Variants in SOX5 observed in about 807,000 individuals in gnomAD.
The protein encoded by SOX5 is transcription factor SOX-5.
In SOX5, 9 loss-of-function variants were observed where a neutral mutation model predicts 92.0. The ratio of observed to expected loss-of-function variants is 0.10; its 90% CI spans 0.06 to 0.17. The LOEUF is 0.17. SOX5 is among the 10% of genes least tolerant of loss of function. The pLI is 1.00. For missense variants in SOX5, 642 were observed against 944.5 expected (o/e 0.68, Z 4.20); for synonymous variants, 344 against 336.3 (o/e 1.02, Z -0.25).
At chr12:24,067,652 A>C (rs998505073) in intron 4 of SOX5, among the ~76,000 whole-genome samples, 3 of 152,156 alleles carry the variant, frequency 2.0e-5, no homozygotes, top group Non-Finnish European at 4.4e-5. Context: ...TCTGAGATTG[A>C]TCAACGATTT....
chr12:24,237,171 T>C (rs1324679836), intron 3 of SOX5, among the ~76,000 whole-genome samples: 2 of 152,208 alleles, frequency 1.3e-5, no homozygotes, highest in Admixed American at 6.5e-5. Flanking sequence ...CATAAATACA[T>C]TTCAGACCCC....
chr12:24,298,816 C>A (rs1947613188), intron 2 of SOX5, among the ~76,000 whole-genome samples: 1 of 120,386 alleles, frequency 8.3e-6, no homozygotes. Flanking sequence ...TTTTTTTAAC[C>A]TAATTGTGAA....
chr12:23,907,057 CA>C (rs1568859485), intron 1 of SOX5, among the ~76,000 whole-genome samples: 1 of 152,068 alleles, frequency 6.6e-6, no homozygotes, highest in African/African-American at 2.4e-5. Flanking sequence ...TGCTTTCTAT[CA>C]GAACAATTGG....
intron 4 of SOX5, among the ~76,000 whole-genome samples, chr12:24,203,248 G>A (rs919810319): frequency 7.2e-5 from 11 of 152,082 alleles, no homozygotes; most frequent in South Asian, 2.1e-4. Flanking sequence ...TGGATCCTGC[G>A]TTATTTCAAT....
At chr12:23,737,770 T>C (rs1431909269) in intron 5 of SOX5, among the ~76,000 whole-genome samples, 1 of 152,146 alleles carries the variant, frequency 6.6e-6, no homozygotes, top group Admixed American at 6.5e-5. Flanking sequence ...AGGATATTCC[T>C]GCTTCTGGGC....
intron 3 of SOX5, among the ~76,000 whole-genome samples, chr12:24,233,481 T>A (rs1343104121): frequency 2.0e-5 from 3 of 152,188 alleles, no homozygotes; most frequent in African/African-American, 7.2e-5. Context: ...GAATTGAGGA[T>A]CAAAGAATAT....
chr12:24,135,100 C>T (rs936876482), intron 4 of SOX5, among the ~76,000 whole-genome samples: 4 of 152,088 alleles, frequency 2.6e-5, no homozygotes, highest in Admixed American at 2.0e-4. Context: ...TTACAAAATG[C>T]CATTAAGGAC....
chr12:24,547,122 G>T (rs1566442666), intron 1 of SOX5, among the ~76,000 whole-genome samples: 1 of 151,980 alleles, frequency 6.6e-6, no homozygotes, highest in East Asian at 1.9e-4. Context: ...GGAAGTAGGG[G>T]TAGGAGGAGT....
chr12:23,965,005 G>T (rs1353580687), intron 4 of SOX5, among the ~76,000 whole-genome samples: 1 of 151,976 alleles, frequency 6.6e-6, no homozygotes, highest in Non-Finnish European at 1.5e-5. Context: ...AGGGGCGCGT[G>T]GTCAGCTCCC....
intron 4 of SOX5, among the ~76,000 whole-genome samples, chr12:23,989,060 A>T (rs116747314): frequency 6.6e-6 from 1 of 151,892 alleles, no homozygotes; most frequent in Non-Finnish European, 1.5e-5. Context: ...GATGATAAGG[A>T]AGGAAGTTTC....
chr12:24,073,655 G>A (rs926064366), intron 4 of SOX5, among the ~76,000 whole-genome samples: 8 of 151,836 alleles, frequency 5.3e-5, no homozygotes, highest in African/African-American at 1.9e-4. Flanking sequence ...AACACTTCAG[G>A]GACCCTGAAG....
intron 4 of SOX5, among the ~76,000 whole-genome samples, chr12:24,200,681 C>T (rs984215642): frequency 1.3e-5 from 2 of 152,034 alleles, no homozygotes; most frequent in Non-Finnish European, 2.9e-5. Flanking sequence ...TCTCTAATGC[C>T]CCAGAGTAAT....
intron 3 of SOX5, among the ~76,000 whole-genome samples, chr12:23,792,016 A>C (rs1324528240): frequency 2.0e-5 from 3 of 152,016 alleles, no homozygotes; most frequent in African/African-American, 7.2e-5. Context: ...TTATTCTTTA[A>C]TTTTAAAATC....
chr12:23,547,477 A>G (rs1239609960), intron 11 of SOX5, among the ~76,000 whole-genome samples: 2 of 152,146 alleles, frequency 1.3e-5, no homozygotes, highest in Non-Finnish European at 2.9e-5. Flanking sequence ...CACAGAAAGT[A>G]ATCAATGATG....
intron 2 of SOX5, among the ~76,000 whole-genome samples, chr12:23,895,237 T>C (rs1390603370): frequency 6.7e-6 from 1 of 148,282 alleles, no homozygotes; most frequent in South Asian, 2.1e-4. Context: ...AATTACCGAA[T>C]TAACGAAACA....
intron 1 of SOX5, among the ~76,000 whole-genome samples, chr12:24,383,314 T>A (rs1958022760): frequency 1.3e-5 from 2 of 152,230 alleles, no homozygotes; most frequent in African/African-American, 4.8e-5. Flanking sequence ...GATTTGTTTT[T>A]AATAGAGACA....
At chr12:23,594,969 C>T (rs1054268878) in intron 9 of SOX5, among the ~76,000 whole-genome samples, 4 of 152,134 alleles carry the variant, frequency 2.6e-5, no homozygotes, top group Non-Finnish European at 4.4e-5. Flanking sequence ...TTTCTTGTCC[C>T]CAGCACACTA....
intron 8 of SOX5, among the ~76,000 whole-genome samples, chr12:23,639,051 A>G (rs913804012): frequency 1.3e-5 from 2 of 152,118 alleles, no homozygotes; most frequent in African/African-American, 4.8e-5. Flanking sequence ...TACCACTTCT[A>G]TGAAAGGAAC....
intron 4 of SOX5, among the ~76,000 whole-genome samples, chr12:24,038,741 C>T (rs1956274145): frequency 6.6e-6 from 1 of 152,154 alleles, no homozygotes; most frequent in Non-Finnish European, 1.5e-5. Flanking sequence ...GTATTATTCA[C>T]TCCTGAGTAG....
Sources: gnomAD v4.1 joint callset for allele counts (sites outside exome capture counted in the v4.1 genomes callset) on GRCh38, gnomAD v4.1.1 for gene constraint, MANE v1.5 for transcripts, NCBI Gene and HGNC (gene_info 2026-07-23, HGNC 2026-07-21) for gene names.